The following PIN4 variants were observed in gnomAD, a reference collection of about 807,000 sequenced individuals.
The protein encoded by PIN4 is peptidyl-prolyl cis-trans isomerase NIMA-interacting 4.
A neutral mutation model predicts 8.3 loss-of-function variants in PIN4; 3 were observed. The observed-to-expected ratio is 0.36, with a 90% CI of 0.16 to 0.93. PIN4 has a LOEUF of 0.93. Among genes scored for constraint, PIN4 ranks in the 40% least tolerant of loss-of-function variants. The pLI, the probability that PIN4 is intolerant of heterozygous loss-of-function variation, is 0.44. For missense variants in PIN4, 75 were observed against 100.6 expected (o/e 0.75, Z 1.09); for synonymous variants, 18 against 32.5 (o/e 0.55, Z 1.52).
rs139462089 is a variant in PIN4, at chrX:72,228,845, C to T, written c.312+31941C>T. On this transcript the variant is annotated intron_variant, in intron 3 of 3. Transcript: ENST00000423432. ...CTCGAACTATAAACCTTACACAATCCCTCTTGCTGCGAACTAACTCTTCCT... is the reference window on the plus strand; with the variant it reads ...CTCGAACTATAAACCTTACACAATCTCTCTTGCTGCGAACTAACTCTTCCT... Among the ~76,000 whole-genome samples the T allele has an allele frequency of 6.0e-3, 664 of 111,155 alleles. 5 individuals carry two copies. Among genetic ancestry groups the T allele is most frequent in the African/African-American group, 0.02 (613 of 30,521 alleles).
intron 3 of PIN4, among the ~76,000 whole-genome samples, chrX:72,254,815 T>C (rs1175835268): frequency 8.9e-6 from 1 of 112,666 alleles, no homozygotes; most frequent in Non-Finnish European, 1.9e-5. Flanking sequence ...TATTCTCTGC[T>C]TCAAATTTCT....
chrX:72,193,994 A>G (rs1045064488), intron 2 of PIN4, among the ~76,000 whole-genome samples: 16 of 111,966 alleles, frequency 1.4e-4, no homozygotes, highest in African/African-American at 4.5e-4. Flanking sequence ...CCAAAAGTTT[A>G]AAATTTTTTA....
chrX:72,205,079 T>C, intron 3 of PIN4: 2 of 1,210,960 alleles, frequency 1.7e-6, no homozygotes, highest in Non-Finnish European at 2.2e-6. Flanking sequence ...TCTGCACTTT[T>C]TATGTCAAGC....
At chrX:72,217,726 T>TA (rs1268199556) in intron 3 of PIN4, among the ~76,000 whole-genome samples, 342 of 107,336 alleles carry the variant, frequency 3.2e-3, no homozygotes, top group Admixed American at 5.8e-3. Flanking sequence ...GAAAAAAAAA[T>TA]AAAAAAAAAC....
chrX:72,204,882 G>T, intron 3 of PIN4: 1 of 484,804 alleles, frequency 2.1e-6, no homozygotes, highest in African/African-American at 2.4e-5. Flanking sequence ...GGCGTTGCAG[G>T]GCAGAAGTTG....
intron 3 of PIN4, chrX:72,239,138 C>A: frequency 2.6e-6 from 1 of 390,979 alleles, no homozygotes; most frequent in South Asian, 4.3e-5. Flanking sequence ...ACGGTGGGCG[C>A]CTGCGCCTAC....
At chrX:72,232,818 A>C (rs1340464145) in intron 3 of PIN4, among the ~76,000 whole-genome samples, 1 of 111,115 alleles carries the variant, frequency 9.0e-6, no homozygotes, top group Non-Finnish European at 1.9e-5. Flanking sequence ...CTCAGAAAAG[A>C]AAATCACCAC....
At chrX:72,250,736 G>GTTTT (rs1230012818) in intron 3 of PIN4, among the ~76,000 whole-genome samples, 1 of 74,354 alleles carries the variant, frequency 1.3e-5, no homozygotes, top group African/African-American at 5.7e-5. Flanking sequence ...CTGGTATATG[G>GTTTT]TTTTTTTTTT....
intron 3 of PIN4, among the ~76,000 whole-genome samples, chrX:72,229,221 C>T (rs1031500546): frequency 8.1e-5 from 9 of 111,302 alleles, no homozygotes; most frequent in Non-Finnish European, 1.5e-4. Flanking sequence ...ACCTAACCAA[C>T]GCAACCGTAC....
At chrX:72,208,493 G>A (rs1355974947) in intron 3 of PIN4, 1 of 1,211,668 alleles carries the variant, frequency 8.3e-7, no homozygotes, top group Non-Finnish European at 1.1e-6. Flanking sequence ...TGGTTGTGCA[G>A]TTCTCGATAA....
intron 3 of PIN4, among the ~76,000 whole-genome samples, chrX:72,222,651 G>T (rs146905599): frequency 0.018 from 1,828 of 100,087 alleles, 25 homozygotes; most frequent in African/African-American, 0.052. Context: ...AGGTTGGAAC[G>T]CAGTAGCGCG....
rs11415 is a variant in PIN4 at position 72,196,871 on chromosome X, C to T, written c.204C>T (p.Ala68=). The part of the protein sequence containing the change: ...LKSGMRFNEV[A]AQYSEDKARQ... Reference sequence around the variant, plus strand: ...CTGGGATGAGATTCAATGAAGTGGCCGCACAGTATAGTGAAGATAAAGCCA... The same window carrying T: ...CTGGGATGAGATTCAATGAAGTGGCTGCACAGTATAGTGAAGATAAAGCCA... The change falls in exon 3 of 4, where the codon GCC becomes GCT. Residue 68 remains alanine (A), a synonymous_variant. Transcript: ENST00000373669. 88,803 of 1,201,062 alleles carry T rather than the reference C, an allele frequency of 0.074. 6,104 individuals carry two copies. Among genetic ancestry groups the T allele is most frequent in the East Asian group, 0.48 (15,929 of 33,526 alleles).
intron 3 of PIN4, among the ~76,000 whole-genome samples, chrX:72,256,440 G>A (rs1342327233): frequency 3.6e-5 from 4 of 111,536 alleles, no homozygotes; most frequent in African/African-American, 6.5e-5. Context: ...GCTCAAAGTC[G>A]GCAGAGAAAA....
chrX:72,186,391 T>A (rs2042703344), intron 1 of PIN4, 70 bp from the exon 2 acceptor site: 2 of 696,566 alleles, frequency 2.9e-6, no homozygotes, highest in Admixed American at 5.1e-5. Context: ...TCCACTCCGG[T>A]TGTGTGTTGG....
At chrX:72,222,031 C>T (rs1265942843) in intron 3 of PIN4, among the ~76,000 whole-genome samples, 3 of 109,334 alleles carry the variant, frequency 2.7e-5, no homozygotes, top group Non-Finnish European at 5.7e-5. Flanking sequence ...CCCCAGGGGG[C>T]CCTCCTGCCC....
chrX:72,202,620 G>A (rs1942131183), downstream of PIN4, among the ~76,000 whole-genome samples: 1 of 111,747 alleles, frequency 8.9e-6, no homozygotes, highest in Admixed American at 9.6e-5. Context: ...GAACTCAGAT[G>A]CAGACTGTGA....
At chrX:72,193,248 G>C (rs1305801550) in intron 2 of PIN4, among the ~76,000 whole-genome samples, 1 of 111,157 alleles carries the variant, frequency 9.0e-6, no homozygotes, top group African/African-American at 3.3e-5. Context: ...CATTTTCCCA[G>C]GAATTGTATC....
At chrX:72,212,033 G>C (rs1198336556) in intron 3 of PIN4, among the ~76,000 whole-genome samples, 4 of 111,133 alleles carry the variant, frequency 3.6e-5, no homozygotes, top group Non-Finnish European at 7.5e-5. Flanking sequence ...CCAGCACTTT[G>C]GGAGGCTGAG....
chrX:72,252,915 G>T, intron 3 of PIN4, among the ~76,000 whole-genome samples: 1 of 111,534 alleles, frequency 9.0e-6, no homozygotes. Context: ...GAATCCAAGG[G>T]CTCTTAACTG....
Sources: gnomAD v4.1 joint callset for allele counts (sites outside exome capture counted in the v4.1 genomes callset) on GRCh38, gnomAD v4.1.1 for gene constraint, MANE v1.5 for transcripts, NCBI Gene and HGNC (gene_info 2026-07-23, HGNC 2026-07-21) for gene names.